JMJD8: variants seen among roughly 807,000 people sequenced by gnomAD.
JMJD8 encodes the protein jmjC domain-containing protein 8.
Under a neutral mutation model 37.6 loss-of-function variants are expected in JMJD8, and 56 were observed. That is an observed-to-expected ratio of 1.49 (90% CI 1.20 to 1.86). The LOEUF is 1.86. Ranked by LOEUF, JMJD8 falls within the 40% of genes most tolerant of loss-of-function variation. JMJD8 has a pLI of 0.00. For missense variants in JMJD8, 542 were observed against 362.7 expected (o/e 1.49, Z -4.01); for synonymous variants, 261 against 163.7 (o/e 1.59, Z -4.54).
rs1317219573 is a variant in JMJD8, at chr16:683,772, C to T, written c.235G>A (p.Ala79Thr). The part of the protein sequence containing the change: ...QGLTDNSRFR[A>T]LCSRDRLLAS... ...AGCAACCTGTCGCGGGAGCACAGGGCCCGGAACCTCTGCGGGGGCGGGGAG... is the reference window on the plus strand; with the variant it reads ...AGCAACCTGTCGCGGGAGCACAGGGTCCGGAACCTCTGCGGGGGCGGGGAG... The change falls in exon 4 of 9, where the codon GCC (alanine) becomes ACC (threonine). Residue 79 changes from alanine to threonine, a missense_variant. Ala to Thr is a moderately conservative substitution (Grantham distance 58, BLOSUM62 0). Transcript: ENST00000609261. 6.2e-7 allele frequency: 1 copy of T among 1,607,328 alleles called. No individual in the cohort carries two copies. Among genetic ancestry groups the T allele is most frequent in the Non-Finnish European group, 8.5e-7 (1 of 1,177,554 alleles).
In JMJD8 at chr16:683,286, A is replaced by C. The variant is rs1235897260; in HGVS notation, c.511+36T>G. 5 of 1,611,868 alleles carry C rather than the reference A, an allele frequency of 3.1e-6. No homozygotes were observed. The African/African-American group carries it at 6.7e-5, about 22-fold the overall frequency. ...CAACCCATTTTGTACTCACCGACAGAAGCCTCAGTCCTTCCCAGTCCCAAG... is the reference window on the plus strand; with the variant it reads ...CAACCCATTTTGTACTCACCGACAGCAGCCTCAGTCCTTCCCAGTCCCAAG... On this transcript the variant is annotated intron_variant, in intron 6 of 8. Coordinates refer to ENST00000609261, the MANE Select transcript of JMJD8 (RefSeq NM_001005920.4).
In JMJD8 at chr16:683,722, G is replaced by A. The variant is rs1299328087; in HGVS notation, c.285C>T (p.Val95=). 16 of 1,608,574 alleles carry A rather than the reference G, an allele frequency of 9.9e-6. No individual in the cohort carries two copies. The highest frequency in any genetic ancestry group is 2.7e-5 in the African/African-American group (2 of 74,862). Residue 95 remains valine (V), a synonymous_variant, in exon 4 of 9, where the codon GTC becomes GTT. Transcript: ENST00000609261. The part of the protein sequence containing the change: ...RLLASFGDRV[V]RLSTANTYSY... ...AGTAGGTGTTGGCGGTGCTCAGCCG[G>A]ACCACTCTGTCCCCAAACGAAGCCA...
chr16:684,035 A>ACGCGACCTCCGCGATCAGGGG (rs745804741), intron 2 of JMJD8, 31 bp downstream of exon 2: 1 of 1,574,016 alleles, frequency 6.4e-7, no homozygotes, highest in Non-Finnish European at 8.6e-7. Context: ...GGTGAACAGG[A>ACGCGACCTCCGCGATCAGGGG]CGCGACCTCC....
In JMJD8 at chr16:684,255, C is replaced by T. The variant is rs944086114; in HGVS notation, c.65G>A (p.Gly22Glu). The change falls in exon 1 of 9, where the codon GGG (glycine) becomes GAG (glutamate). Residue 22 changes from glycine to glutamate, a missense_variant. Coordinates refer to ENST00000609261, the MANE Select transcript of JMJD8 (RefSeq NM_001005920.4). ...TCACCACCCGCCGTCGCCCTCCGCC[C>T]CGGAGCCGGGTAGAGCCACAGCCGC... The part of the protein sequence containing the change: ...ALAAVALPGS[G>E]AEGDGGWRPG... The T allele has an allele frequency of 1.2e-5, 16 of 1,372,166 alleles. No homozygotes were observed. The highest frequency in any genetic ancestry group is 1.4e-5 in the Non-Finnish European group (15 of 1,071,584). The allele number at this position is 1,372,166 out of a possible 1,614,324, so 85.0% of individuals were successfully genotyped here.
At position 682,034 on chromosome 16, in the gene JMJD8, G is replaced by A. The variant is rs769400605; in HGVS notation, c.*760C>T. On this transcript the variant is annotated 3_prime_UTR_variant, in exon 9 of 9. Transcript: ENST00000609261. Reference sequence around the variant, plus strand: ...ACTCTTCACAGGACAAGTACATGGCGGACATGGACGAGCTTTTTTCTCAGG... The same window carrying A: ...ACTCTTCACAGGACAAGTACATGGCAGACATGGACGAGCTTTTTTCTCAGG... 3.6e-5 allele frequency: 58 copies of A among 1,592,610 alleles called. No homozygotes were observed. Among genetic ancestry groups the A allele is most frequent in the South Asian group, 2.9e-4 (26 of 89,638 alleles).
In JMJD8 at chr16:684,323, C is replaced by T; in HGVS notation, c.-4G>A. ...GCAACCGCGACGCCGGCGCCATGAG[C>T]CTGCCGCCCTCAGGCAGCCGCGCTG... is the stretch of plus-strand genomic sequence containing the variant. On this transcript the variant is annotated 5_prime_UTR_variant, in exon 1 of 9. Transcript: ENST00000609261. 3 of 1,499,964 alleles carry T rather than the reference C, an allele frequency of 2.0e-6. No homozygotes were observed. Among genetic ancestry groups the T allele is most frequent in the Non-Finnish European group, 2.6e-6 (3 of 1,132,410 alleles). 92.9% of individuals were successfully genotyped at this position (1,499,964 alleles called of 1,614,324 possible).
Position 682,792 on chromosome 16 carries a change from G to A in JMJD8, c.*2C>T, listed in dbSNP as rs1262832357. 7.4e-6 allele frequency: 12 copies of A among 1,612,726 alleles called. No homozygotes were observed. Among genetic ancestry groups the A allele is most frequent in the Non-Finnish European group, 9.3e-6 (11 of 1,179,780 alleles). On this transcript the variant is annotated 3_prime_UTR_variant, in exon 9 of 9. Coordinates refer to ENST00000609261, the MANE Select transcript of JMJD8 (RefSeq NM_001005920.4). ...GACCGGCAGTCCTGCCAGCTGTTTT[G>A]GCTAGCCGAGGAAGGTGGAGATGAA...
Position 681,983 on chromosome 16 carries a change from G to C in JMJD8, c.*811C>G, listed in dbSNP as rs780491941. ...TGTGCCCCATGGAGGAGGGAGGTGG[G>C]GTGTCTCCCCCAAGCACAGCACTCA... On this transcript the variant is annotated 3_prime_UTR_variant, in exon 9 of 9. Transcript: ENST00000609261. The C allele has an allele frequency of 6.2e-7, 1 of 1,612,524 alleles. No homozygotes were observed. The highest frequency in any genetic ancestry group is 8.5e-7 in the Non-Finnish European group (1 of 1,179,212).
At chr16:683,814 GC>G in intron 3 of JMJD8, 33 bp from the exon 4 acceptor site, 1 of 1,587,506 alleles carries the variant, frequency 6.3e-7, no homozygotes, top group Non-Finnish European at 8.6e-7. Flanking sequence ...TAGTGGCCGG[GC>G]CCAGCACGGG....
In JMJD8 at chr16:682,338, GC is replaced by G; in HGVS notation, c.*455del. The G allele has an allele frequency of 6.2e-7, 1 of 1,612,978 alleles. No homozygotes were observed. The highest frequency in any genetic ancestry group is 8.5e-7 in the Non-Finnish European group (1 of 1,179,924). On this transcript the variant is annotated 3_prime_UTR_variant, in exon 9 of 9. Transcript: ENST00000609261. Reference sequence around the variant, plus strand: ...TGGCATGGTCCTGGGCCCCATGACTGCCCTCTGCCCTTCTTGTCACTGCAGC... The same window carrying G: ...TGGCATGGTCCTGGGCCCCATGACTGCCTCTGCCCTTCTTGTCACTGCAGC...
chr16:683,457 G>C lies in JMJD8; in HGVS notation c.392-16C>G. 6.4e-7 allele frequency: 1 copy of C among 1,550,522 alleles called. No homozygotes were observed. The highest frequency in any genetic ancestry group is 8.7e-7 in the Non-Finnish European group (1 of 1,147,000). On this transcript the variant is annotated splice_polypyrimidine_tract_variant and intron_variant, in intron 5 of 8. Transcript: ENST00000609261. Reference sequence around the variant, plus strand: ...TACAGGGTGTCTGCCAACAGAGACGGCGGGGACAGGGATCCTGGCACCTGG... The same window carrying C: ...TACAGGGTGTCTGCCAACAGAGACGCCGGGGACAGGGATCCTGGCACCTGG...
At chr16:683,283 C>T (rs765112000) in intron 6 of JMJD8, 39 bp downstream of exon 6, 8 of 1,612,016 alleles carry the variant, frequency 5.0e-6, no homozygotes, top group Non-Finnish European at 4.2e-6. Context: ...TACTCACCGA[C>T]AGAAGCCTCA....
chr16:682,026 T>C lies in JMJD8; in HGVS notation c.*768A>G. 1.9e-6 allele frequency: 3 copies of C among 1,598,606 alleles called. No homozygotes were observed. Among genetic ancestry groups the C allele is most frequent in the Non-Finnish European group, 1.7e-6 (2 of 1,168,372 alleles). On this transcript the variant is annotated 3_prime_UTR_variant, in exon 9 of 9. Transcript: ENST00000609261. ...AGCACTCAACTCTTCACAGGACAAG[T>C]ACATGGCGGACATGGACGAGCTTTT...
In JMJD8 at chr16:681,804, A is replaced by G. The variant is rs751926875; in HGVS notation, c.*990T>C. On this transcript the variant is annotated 3_prime_UTR_variant, in exon 9 of 9. Coordinates refer to ENST00000609261, the MANE Select transcript of JMJD8 (RefSeq NM_001005920.4). ...TGGTCAACCCCCAGGGAGCTGGAAG[A>G]GTGCCAGCGAAACCACGAGGGTGAT... 6.2e-7 allele frequency: 1 copy of G among 1,600,100 alleles called. No individual in the cohort carries two copies. Among genetic ancestry groups the G allele is most frequent in the Non-Finnish European group, 8.5e-7 (1 of 1,170,460 alleles).
rs562160618 is a variant in JMJD8, at chr16:681,681, G to C, written c.*1113C>G. 3.8e-6 allele frequency: 6 copies of C among 1,559,868 alleles called. No homozygotes were observed. Among genetic ancestry groups the C allele is most frequent in the Non-Finnish European group, 5.2e-6 (6 of 1,148,968 alleles). ...CTCCCGACACAAGCGTTTATCGAAG[G>C]CTTTACTGGCAAGCAGGAAATGTGG... On this transcript the variant is annotated 3_prime_UTR_variant, in exon 9 of 9. Transcript: ENST00000609261.
intron 8 of JMJD8, 27 bp downstream of exon 8, chr16:682,926 C>T: frequency 6.2e-7 from 1 of 1,611,642 alleles, no homozygotes; most frequent in Non-Finnish European, 8.5e-7. Context: ...TCTAGCCTGG[C>T]CTGGCCCTCT....
At position 682,627 on chromosome 16, in the gene JMJD8, C is replaced by T. The variant is rs1000603813; in HGVS notation, c.*167G>A. ...TGTTGGACTCTGGACTGTTTCCCCT[C>T]TCAGCATCGCTTTTGCTGGGCCGTG... On this transcript the variant is annotated 3_prime_UTR_variant, in exon 9 of 9. Transcript: ENST00000609261. The T allele has an allele frequency of 1.1e-5, 16 of 1,436,674 alleles. No individual in the cohort carries two copies. In the South Asian group the frequency reaches 1.4e-4, roughly 13 times the overall value. The allele number at this position is 1,436,674 out of a possible 1,614,324, so 89.0% of individuals were successfully genotyped here. A position where few individuals can be genotyped will look rare whatever the true frequency, so the allele number is the denominator to read the frequency against.
chr16:683,855 G>T lies in JMJD8; in HGVS notation c.225+6C>A. The T allele has an allele frequency of 1.9e-6, 3 of 1,584,372 alleles. No individual in the cohort carries two copies. Among genetic ancestry groups the T allele is most frequent in the Non-Finnish European group, 8.6e-7 (1 of 1,167,762 alleles). On this transcript the variant is annotated splice_donor_region_variant and intron_variant, in intron 3 of 8. Transcript: ENST00000609261. ...AGTGGCCGGGGACGGACGGGCACGCGCTCACCGAGTTGTCCGTGAGTCCCT... is the reference window on the plus strand; with the variant it reads ...AGTGGCCGGGGACGGACGGGCACGCTCTCACCGAGTTGTCCGTGAGTCCCT...
chr16:682,216 C>G lies in JMJD8; in HGVS notation c.*578G>C, dbSNP rs760424025. The G allele has an allele frequency of 6.2e-7, 1 of 1,612,872 alleles. No individual in the cohort carries two copies. Among genetic ancestry groups the G allele is most frequent in the Non-Finnish European group, 8.5e-7 (1 of 1,179,824 alleles). On this transcript the variant is annotated 3_prime_UTR_variant, in exon 9 of 9. Transcript: ENST00000609261. ...TGGCAAGATCAGCTTTGAGCTGATG[C>G]GGGAGCCGTGCATCACGCCCAGTGG... is the stretch of plus-strand genomic sequence containing the variant.
Sources: gnomAD v4.1 joint callset for allele counts on GRCh38, gnomAD v4.1.1 for gene constraint, MANE v1.5 for transcripts, NCBI Gene and HGNC (gene_info 2026-07-23, HGNC 2026-07-21) for gene names.